The following HS6ST2 variants were observed in gnomAD, a reference collection of about 807,000 sequenced individuals.
HS6ST2 encodes heparan sulfate 6-O-sulfotransferase 2.
In HS6ST2, 17 loss-of-function variants were observed where a neutral mutation model predicts 33.0. The observed-to-expected ratio is 0.52, with a 90% CI of 0.35 to 0.77. The LOEUF is 0.77. Ranked by LOEUF, HS6ST2 falls within the 30% of genes least tolerant of loss-of-function variation. The probability of loss-of-function intolerance (pLI) is 0.01; values close to 1 mark genes in which losing one functional copy is unlikely to be tolerated. For synonymous variants in HS6ST2, 248 were observed against 237.1 expected, an observed-to-expected ratio of 1.05 and a Z score of -0.42; for missense variants, 519 against 551.7, an observed-to-expected ratio of 0.94 and a Z score of 0.59.
At chrX:132,793,496 T>C (rs2065140827) in intron 2 of HS6ST2, among the ~76,000 whole-genome samples, 1 of 111,658 alleles carries the variant, frequency 9.0e-6, no homozygotes, top group African/African-American at 3.3e-5. Context: ...CTTCTAATGG[T>C]TCCCATCTTC....
intron 2 of HS6ST2, among the ~76,000 whole-genome samples, chrX:132,772,791 A>C (rs950855155): frequency 2.2e-5 from 2 of 91,197 alleles, no homozygotes; most frequent in East Asian, 3.2e-4. Flanking sequence ...TTTATATATG[A>C]TATAATATAA....
chrX:132,736,064 C>T (rs1049739786), intron 2 of HS6ST2, among the ~76,000 whole-genome samples: 1 of 110,337 alleles, frequency 9.1e-6, no homozygotes, highest in East Asian at 2.9e-4. Context: ...AGGCTGGTCT[C>T]GAACTCCTGA....
intron 2 of HS6ST2, among the ~76,000 whole-genome samples, chrX:132,899,435 T>C (rs1361702131): frequency 9.0e-6 from 1 of 111,219 alleles, no homozygotes; most frequent in African/African-American, 3.3e-5. Context: ...AGTAGAAACA[T>C]GGAGGGTACA....
intron 3 of HS6ST2, among the ~76,000 whole-genome samples, chrX:132,687,384 C>G (rs887760826): frequency 6.3e-5 from 7 of 110,902 alleles, no homozygotes; most frequent in Non-Finnish European, 1.1e-4. Context: ...TATGTTAAAG[C>G]AGAAGCCTCA....
At chrX:132,688,917 C>T (rs1295174636) in intron 3 of HS6ST2, among the ~76,000 whole-genome samples, 1 of 112,314 alleles carries the variant, frequency 8.9e-6, no homozygotes, top group Non-Finnish European at 1.9e-5. Context: ...AGGCAGAAAA[C>T]TGCCTTAACT....
intron 3 of HS6ST2, among the ~76,000 whole-genome samples, chrX:132,679,749 G>T (rs888822541): frequency 9.3e-6 from 1 of 107,633 alleles, no homozygotes; most frequent in East Asian, 3.0e-4. Context: ...AGACAACCAC[G>T]CCTGGGGGGG....
intron 3 of HS6ST2, among the ~76,000 whole-genome samples, chrX:132,672,429 A>C (rs1275094191): frequency 9.0e-6 from 1 of 111,194 alleles, no homozygotes; most frequent in Non-Finnish European, 1.9e-5. Flanking sequence ...CATCACTTTC[A>C]TCTTGTCTTT....
At position 132,708,066 on chromosome X, in the gene HS6ST2, T is replaced by C. The variant is rs757330048; in HGVS notation, c.980+396A>G. On this transcript the variant is annotated intron_variant, in intron 3 of 4. Transcript: ENST00000370833. ...TTGTTCTCTAAATCACAATCCAGCC[T>C]AGGGACAGGCAGACGTGCCTGAAGC... Among the ~76,000 whole-genome samples, 13 of 111,044 alleles carry C rather than the reference T, an allele frequency of 1.2e-4. No individual in the cohort carries two copies. The East Asian group carries it at 3.7e-3, about 31-fold the overall frequency.
At chrX:132,684,045 C>A (rs781261106) in intron 3 of HS6ST2, among the ~76,000 whole-genome samples, 1 of 109,079 alleles carries the variant, frequency 9.2e-6, no homozygotes, top group African/African-American at 3.3e-5. Context: ...AGTTTCCCAG[C>A]AACGAAGGCA....
intron 2 of HS6ST2, among the ~76,000 whole-genome samples, chrX:132,788,023 A>G (rs2065083631): frequency 8.9e-6 from 1 of 111,973 alleles, no homozygotes; most frequent in African/African-American, 3.2e-5. Context: ...AGGGTATTGA[A>G]TAACCTTTGA....
intron 2 of HS6ST2, among the ~76,000 whole-genome samples, chrX:132,714,256 C>T (rs903922655): frequency 1.3e-4 from 14 of 111,430 alleles, no homozygotes. Context: ...GATGGCTCCC[C>T]GTTTCCCTAT....
intron 3 of HS6ST2, among the ~76,000 whole-genome samples, chrX:132,674,689 T>C (rs111849632): frequency 0.033 from 3,685 of 112,318 alleles, 94 homozygotes; most frequent in African/African-American, 0.086. Context: ...TATTTTCTCA[T>C]TTAAGCTGAC....
intron 2 of HS6ST2, among the ~76,000 whole-genome samples, chrX:132,886,274 G>A (rs146403099): frequency 0.019 from 2,144 of 111,707 alleles, 49 homozygotes; most frequent in African/African-American, 0.066. Context: ...TGGAAATTCT[G>A]AACTGGAAAA....
chrX:132,840,980 T>C (rs1439299190), intron 2 of HS6ST2, among the ~76,000 whole-genome samples: 1 of 112,322 alleles, frequency 8.9e-6, no homozygotes, highest in African/African-American at 3.2e-5. Context: ...TTAATTCTTT[T>C]TCAAGTGCAA....
chrX:132,901,687 G>T (rs1410350383), intron 2 of HS6ST2, among the ~76,000 whole-genome samples: 1 of 111,747 alleles, frequency 8.9e-6, no homozygotes, highest in Admixed American at 9.6e-5. Context: ...TTTAAGGGCA[G>T]AACAGTCTCT....
chrX:132,730,922 C>A (rs751038267), intron 2 of HS6ST2, among the ~76,000 whole-genome samples: 4 of 111,929 alleles, frequency 3.6e-5, no homozygotes, highest in East Asian at 5.7e-4. Context: ...ACACACAGAC[C>A]TGCAGAGCCC....
chrX:132,867,895 G>T (rs1407557030), intron 2 of HS6ST2, among the ~76,000 whole-genome samples: 1 of 111,441 alleles, frequency 9.0e-6, no homozygotes, highest in Admixed American at 9.6e-5. Context: ...AAAATAACCA[G>T]CTAGCATCAT....
At chrX:132,805,175 G>C (rs2065269934) in intron 2 of HS6ST2, among the ~76,000 whole-genome samples, 1 of 111,457 alleles carries the variant, frequency 9.0e-6, no homozygotes, top group African/African-American at 3.3e-5. Flanking sequence ...CAGATCCGGT[G>C]ACCTTGGAGT....
intron 4 of HS6ST2, among the ~76,000 whole-genome samples, chrX:132,666,939 C>T (rs1225253688): frequency 9.0e-6 from 1 of 111,245 alleles, no homozygotes; most frequent in Non-Finnish European, 1.9e-5. Flanking sequence ...CCTATCCCCT[C>T]CTCACCACCA....
Sources: allele counts gnomAD v4.1 joint callset (sites outside exome capture counted in the v4.1 genomes callset), GRCh38; gene constraint gnomAD v4.1.1; transcripts MANE v1.5; gene names NCBI Gene and HGNC (gene_info 2026-07-23, HGNC 2026-07-21).